Variants in DNAJC3 observed in about 807,000 individuals in gnomAD.
DNAJC3 encodes dnaJ homolog subfamily C member 3.
In DNAJC3, 38 loss-of-function variants were observed where a neutral mutation model predicts 68.6. The ratio of observed to expected loss-of-function variants is 0.55; its 90% CI spans 0.43 to 0.73. DNAJC3 has a LOEUF of 0.73. DNAJC3 is among the 30% of genes least tolerant of loss of function. DNAJC3 has a pLI of 0.00. For synonymous variants in DNAJC3, 203 were observed against 204.0 expected, an observed-to-expected ratio of 1.00 and a Z score of 0.04; for missense variants, 526 against 591.9, an observed-to-expected ratio of 0.89 and a Z score of 1.16.
At position 95,786,934 on chromosome 13, in the gene DNAJC3, C is replaced by T. The variant is rs574670452; in HGVS notation, c.1209-73C>T. 3.9e-6 allele frequency: 6 copies of T among 1,530,142 alleles called. No homozygotes were observed. The East Asian group carries it at 1.1e-4, about 29-fold the overall frequency. The allele number at this position is 1,530,142 out of a possible 1,614,324, so 94.8% of individuals were successfully genotyped here. A position where few individuals can be genotyped will look rare whatever the true frequency, so the allele number is the denominator to read the frequency against. On this transcript the variant is annotated intron_variant, in intron 10 of 11. Transcript: ENST00000602402. The stretch of plus-strand genomic sequence containing the variant: ...TGTTAATTGCCAGTAGGATCTTAAT[C>T]AGCTCTTCTGATTTTTATGATAGTA...
Position 95,734,572 on chromosome 13 carries a change from C to A in DNAJC3, c.393+9320C>A, listed in dbSNP as rs543235961. Among the ~76,000 whole-genome samples the A allele has an allele frequency of 5.3e-5, 8 of 152,170 alleles. No individual in the cohort carries two copies. In the East Asian group the frequency reaches 1.5e-3, roughly 29 times the overall value. On this transcript the variant is annotated intron_variant, in intron 4 of 11. Transcript: ENST00000602402. ...ATCGACGTCTAAATCTTTTGCTAGA[C>A]TTGGGATGTTTTCAGCTATTATTTT...
rs1883873164 is a variant in DNAJC3 at position 95,793,801 on chromosome 13, C to G, written c.*2771C>G. The G allele has an allele frequency of 6.6e-6, 1 of 152,156 alleles. No homozygotes were observed. The highest frequency in any genetic ancestry group is 6.6e-5 in the Admixed American group (1 of 15,264). 9.4% of individuals were successfully genotyped at this position (152,156 alleles called of 1,614,324 possible). On this transcript the variant is annotated 3_prime_UTR_variant, in exon 12 of 12. Transcript: ENST00000602402. ...ATGGCTCTTTCAGGAAAAGTGAAATCAGAGAGGCGTACCCTAGCCACAGCT... is the reference window on the plus strand; with the variant it reads ...ATGGCTCTTTCAGGAAAAGTGAAATGAGAGAGGCGTACCCTAGCCACAGCT...
At chr13:95,697,316 GT>G (rs1338161606) in intron 1 of DNAJC3, among the ~76,000 whole-genome samples, 2 of 152,112 alleles carry the variant, frequency 1.3e-5, no homozygotes, top group Non-Finnish European at 2.9e-5. Context: ...CTTGGTTATA[GT>G]TTTTTTGTTC....
Position 95,689,590 on chromosome 13 carries a change from A to G in DNAJC3, c.82+12253A>G, listed in dbSNP as rs183467105. On this transcript the variant is annotated intron_variant, in intron 1 of 11. Transcript: ENST00000602402. ...TTCTTTTTTTTTCTTTTTGGTCACAATCTCATTTAGTTCATTCTGATCTTT... is the reference window on the plus strand; with the variant it reads ...TTCTTTTTTTTTCTTTTTGGTCACAGTCTCATTTAGTTCATTCTGATCTTT... Among the ~76,000 whole-genome samples the G allele has an allele frequency of 9.3e-5, 14 of 150,438 alleles. No homozygotes were observed. In the East Asian group the frequency reaches 2.5e-3, roughly 27 times the overall value.
intron 1 of DNAJC3, among the ~76,000 whole-genome samples, chr13:95,683,344 T>TCAACACTG (rs1879976001): frequency 6.6e-6 from 1 of 152,166 alleles, no homozygotes; most frequent in Non-Finnish European, 1.5e-5. Context: ...TAATCCCCAG[T>TCAACACTG]GTTGGATCTG....
chr13:95,707,207 G>A (rs146226252), intron 1 of DNAJC3, among the ~76,000 whole-genome samples: 2,011 of 152,254 alleles, frequency 0.013, 46 homozygotes, highest in African/African-American at 0.047. Flanking sequence ...GATCTGACAG[G>A]AAGCAGAGCT....
intron 4 of DNAJC3, among the ~76,000 whole-genome samples, chr13:95,737,565 C>G (rs375219657): frequency 1.3e-5 from 2 of 151,872 alleles, no homozygotes; most frequent in Non-Finnish European, 2.9e-5. Context: ...TGTATGTGTC[C>G]AGGAATTTAT....
At chr13:95,740,474 G>C (rs1400980463) in intron 4 of DNAJC3, among the ~76,000 whole-genome samples, 1 of 151,150 alleles carries the variant, frequency 6.6e-6, no homozygotes, top group East Asian at 1.9e-4. Context: ...CTCCGTGGGC[G>C]TAGGACCCTC....
intron 4 of DNAJC3, among the ~76,000 whole-genome samples, chr13:95,734,580 G>GT (rs1389740853): frequency 6.6e-6 from 1 of 151,900 alleles, no homozygotes; most frequent in East Asian, 1.9e-4. Flanking sequence ...GACTTGGGAT[G>GT]TTTTCAGCTA....
chr13:95,775,642 A>G (rs1464661182), intron 9 of DNAJC3, among the ~76,000 whole-genome samples: 2 of 152,178 alleles, frequency 1.3e-5, no homozygotes, highest in Non-Finnish European at 2.9e-5. Flanking sequence ...TAGTATGTAG[A>G]TTATTTCCTG....
rs1260790142 is a variant in DNAJC3 at position 95,745,379 on chromosome 13, A to G, written c.394-12265A>G. The G allele has an allele frequency of 2.0e-5, 3 of 152,366 alleles. No individual in the cohort carries two copies. The East Asian group carries it at 5.8e-4, about 29-fold the overall frequency. The allele number at this position is 152,366 out of a possible 1,614,324, so 9.4% of individuals were successfully genotyped here. ...AAGAAGGGAGCTCTCACACACGTCT[A>G]TCGTAAGAACTGCTACAAAGCATCT... On this transcript the variant is annotated intron_variant, in intron 4 of 11. Coordinates refer to ENST00000602402, the MANE Select transcript of DNAJC3 (RefSeq NM_006260.5).
At chr13:95,691,554 G>T (rs1239580558) in intron 1 of DNAJC3, among the ~76,000 whole-genome samples, 1 of 150,854 alleles carries the variant, frequency 6.6e-6, no homozygotes, top group Non-Finnish European at 1.5e-5. Flanking sequence ...GGGCAGAGAC[G>T]CTCCTCACTT....
chr13:95,749,827 A>G (rs921070333), intron 4 of DNAJC3, among the ~76,000 whole-genome samples: 3 of 152,054 alleles, frequency 2.0e-5, no homozygotes, highest in Admixed American at 1.3e-4. Flanking sequence ...AGGCAGGCGG[A>G]TCATCAGGTC....
chr13:95,740,277 C>T (rs1882085910), intron 4 of DNAJC3, among the ~76,000 whole-genome samples: 1 of 152,254 alleles, frequency 6.6e-6, no homozygotes, highest in Non-Finnish European at 1.5e-5. Flanking sequence ...TGTCTGTGCC[C>T]TGCTCCCAGA....
At chr13:95,722,840 G>A (rs866077867) in intron 2 of DNAJC3, among the ~76,000 whole-genome samples, 2 of 20,314 alleles carry the variant, frequency 9.8e-5, no homozygotes, top group African/African-American at 6.9e-4. Context: ...CCCCCCCCCC[G>A]CCGAAAAAGG....
intron 4 of DNAJC3, among the ~76,000 whole-genome samples, chr13:95,732,203 G>T (rs1881738498): frequency 6.6e-6 from 1 of 152,104 alleles, no homozygotes; most frequent in South Asian, 2.1e-4. Flanking sequence ...GAATGAGTTA[G>T]GGAGAATTCC....
intron 1 of DNAJC3, among the ~76,000 whole-genome samples, chr13:95,698,594 A>G (rs1390768176): frequency 6.6e-6 from 1 of 152,206 alleles, no homozygotes; most frequent in Non-Finnish European, 1.5e-5. Context: ...CTCTCAGTGC[A>G]GATGCACAGT....
intron 9 of DNAJC3, among the ~76,000 whole-genome samples, chr13:95,768,506 T>C (rs531660276): frequency 2.0e-5 from 3 of 152,196 alleles, no homozygotes; most frequent in Non-Finnish European, 4.4e-5. Flanking sequence ...CCAAGTAGAT[T>C]GCTTTCTCTG....
At chr13:95,782,566 T>C (rs550445413) in intron 9 of DNAJC3, among the ~76,000 whole-genome samples, 2 of 152,338 alleles carry the variant, frequency 1.3e-5, no homozygotes, top group South Asian at 2.1e-4. Flanking sequence ...GATGATGAGC[T>C]TTTTTTCATA....
Sources: gnomAD v4.1 joint callset for allele counts (sites outside exome capture counted in the v4.1 genomes callset) on GRCh38, gnomAD v4.1.1 for gene constraint, MANE v1.5 for transcripts, NCBI Gene and HGNC (gene_info 2026-07-23, HGNC 2026-07-21) for gene names.